The following ANO2 variants were observed in gnomAD, a reference collection of about 807,000 sequenced individuals.
ANO2 encodes anoctamin-2.
In ANO2, 101 loss-of-function variants were observed where a neutral mutation model predicts 124.2. The observed-to-expected ratio is 0.81, with a 90% CI of 0.69 to 0.96. The LOEUF (loss-of-function observed/expected upper bound fraction) is 0.96. Among genes scored for constraint, ANO2 ranks in the 40% least tolerant of loss-of-function variants. The pLI, the probability that ANO2 is intolerant of heterozygous loss-of-function variation, is 0.00. For missense variants in ANO2, 1,293 were observed against 1,274.5 expected, an observed-to-expected ratio of 1.01 and a Z score of -0.22; for synonymous variants, 486 against 482.5, an observed-to-expected ratio of 1.01 and a Z score of -0.09.
intron 16 of ANO2, among the ~76,000 whole-genome samples, chr12:5,623,806 C>T (rs577760492): frequency 6.6e-6 from 1 of 152,372 alleles, no homozygotes; most frequent in Admixed American, 6.5e-5. Context: ...CTCCCTAAGG[C>T]AGGTCATGCC....
chr12:5,649,462 T>C (rs1946806388), intron 14 of ANO2, among the ~76,000 whole-genome samples: 1 of 152,190 alleles, frequency 6.6e-6, no homozygotes, highest in Admixed American at 6.5e-5. Context: ...TAAGAACATA[T>C]GAACCTATTT....
intron 11 of ANO2, among the ~76,000 whole-genome samples, chr12:5,746,931 A>G (rs1278681686): frequency 6.6e-6 from 1 of 152,230 alleles, no homozygotes; most frequent in Non-Finnish European, 1.5e-5. Context: ...CTTGGTGAGT[A>G]GAGACAGGGA....
chr12:5,940,361 A>C (rs1051113271), intron 1 of ANO2, among the ~76,000 whole-genome samples: 14 of 152,212 alleles, frequency 9.2e-5, no homozygotes, highest in Non-Finnish European at 1.9e-4. Flanking sequence ...TGATTCTTAA[A>C]CTGGTATTAT....
chr12:5,624,446 C>T (rs1945294667), intron 16 of ANO2, among the ~76,000 whole-genome samples: 1 of 152,086 alleles, frequency 6.6e-6, no homozygotes, highest in African/African-American at 2.4e-5. Context: ...GGAAGGTGTG[C>T]CCTGTCCCTG....
At position 5,576,001 on chromosome 12, in the gene ANO2, C is replaced by G. The variant is rs12314730; in HGVS notation, c.2454G>C (p.Ala818=). Residue 818 remains alanine (A), a synonymous_variant, in exon 23 of 25, where the codon GCG becomes GCC. Coordinates refer to ENST00000682330, the MANE Select transcript of ANO2 (RefSeq NM_001364791.2). Reference sequence around the variant, plus strand: ...GGCGGGGGATAAAGTCGGAGGTGATCGCAATGACAAAAGCCTGAGGGACAG... The same window carrying G: ...GGCGGGGGATAAAGTCGGAGGTGATGGCAATGACAAAAGCCTGAGGGACAG... ...FSVISNAFVI[A]ITSDFIPRLV... 7.8e-4 allele frequency: 1,258 copies of G among 1,606,720 alleles called. 13 individuals are homozygous for G. The African/African-American group carries it at 0.015, about 19-fold the overall frequency.
chr12:5,755,454 G>A (rs1036282567), intron 10 of ANO2, among the ~76,000 whole-genome samples: 6 of 150,324 alleles, frequency 4.0e-5, no homozygotes, highest in East Asian at 1.9e-4. Flanking sequence ...TGTGCACAAC[G>A]TGCAGGTTTG....
chr12:5,581,912 A>C (rs1232108587), intron 20 of ANO2, among the ~76,000 whole-genome samples: 2 of 152,214 alleles, frequency 1.3e-5, no homozygotes, highest in Admixed American at 6.5e-5. Flanking sequence ...ATTCAACCCA[A>C]AGAGGCAGAA....
chr12:5,757,907 A>AGCT (rs1340646351), intron 10 of ANO2, among the ~76,000 whole-genome samples: 1 of 152,218 alleles, frequency 6.6e-6, no homozygotes, highest in Non-Finnish European at 1.5e-5. Flanking sequence ...ACAGAGTGTA[A>AGCT]TAACTGGAAG....
At chr12:5,777,974 G>A (rs377514615) in intron 10 of ANO2, among the ~76,000 whole-genome samples, 109 of 152,336 alleles carry the variant, frequency 7.2e-4, no homozygotes, top group Admixed American at 1.2e-3. Context: ...ATGGTGTCCA[G>A]CTGTTCCCCA....
chr12:5,589,593 G>T (rs1248326085), intron 20 of ANO2, among the ~76,000 whole-genome samples: 1 of 152,178 alleles, frequency 6.6e-6, no homozygotes, highest in Non-Finnish European at 1.5e-5. Context: ...TGGCGGGGGG[G>T]TGCTGGGCAA....
intron 14 of ANO2, among the ~76,000 whole-genome samples, chr12:5,710,890 G>T (rs943913654): frequency 2.6e-5 from 4 of 152,102 alleles, no homozygotes; most frequent in Admixed American, 2.6e-4. Flanking sequence ...GGCCGGGCGC[G>T]GTGGCTCACA....
At chr12:5,641,358 G>T (rs1045255998) in intron 15 of ANO2, among the ~76,000 whole-genome samples, 3 of 151,958 alleles carry the variant, frequency 2.0e-5, no homozygotes, top group Non-Finnish European at 4.4e-5. Flanking sequence ...ATGTACCCTA[G>T]AACTTAATGC....
chr12:5,786,569 C>A (rs1032729281), intron 10 of ANO2, among the ~76,000 whole-genome samples: 1 of 152,084 alleles, frequency 6.6e-6, no homozygotes, highest in Non-Finnish European at 1.5e-5. Context: ...AATTCCTAAG[C>A]CTTCAAGATC....
chr12:5,887,825 C>T (rs542870504), intron 3 of ANO2, among the ~76,000 whole-genome samples: 30 of 151,872 alleles, frequency 2.0e-4, no homozygotes, highest in African/African-American at 6.5e-4. Flanking sequence ...AACATGCCCC[C>T]CGGTTTTTTT....
intron 14 of ANO2, among the ~76,000 whole-genome samples, chr12:5,674,266 T>C: frequency 6.6e-6 from 1 of 152,108 alleles, no homozygotes; most frequent in East Asian, 1.9e-4. Flanking sequence ...AAAATAAAAT[T>C]GTCATGGGAT....
intron 3 of ANO2, among the ~76,000 whole-genome samples, chr12:5,896,825 A>T (rs1180520401): frequency 6.6e-6 from 1 of 152,326 alleles, no homozygotes; most frequent in East Asian, 1.9e-4. Flanking sequence ...AGGTTTTTTT[A>T]AAAAGGATTT....
intron 24 of ANO2, 58 bp downstream of exon 24, chr12:5,565,500 G>T: frequency 7.1e-7 from 1 of 1,415,816 alleles, no homozygotes; most frequent in Non-Finnish European, 9.8e-7. Context: ...AATGAGTGCA[G>T]TGTCCTTACT....
At chr12:5,599,271 T>C (rs1458211406) in intron 20 of ANO2, among the ~76,000 whole-genome samples, 1 of 152,236 alleles carries the variant, frequency 6.6e-6, no homozygotes, top group Non-Finnish European at 1.5e-5. Context: ...AACTGTTGAC[T>C]GAGCTGCTCC....
intron 15 of ANO2, among the ~76,000 whole-genome samples, chr12:5,640,969 C>G (rs1164787156): frequency 6.6e-6 from 1 of 152,130 alleles, no homozygotes; most frequent in Non-Finnish European, 1.5e-5. Context: ...GACTTGGAAC[C>G]AACCCAAATG....
Sources: allele counts gnomAD v4.1 joint callset (sites outside exome capture counted in the v4.1 genomes callset), GRCh38; gene constraint gnomAD v4.1.1; transcripts MANE v1.5; gene names NCBI Gene and HGNC (gene_info 2026-07-23, HGNC 2026-07-21).